The following ARHGAP31 variants were observed in gnomAD, a reference collection of about 807,000 sequenced individuals.
ARHGAP31 encodes the protein rho GTPase-activating protein 31.
In ARHGAP31, 34 loss-of-function variants were observed where a neutral mutation model predicts 113.9. That is an observed-to-expected ratio of 0.30 (90% CI 0.23 to 0.40). ARHGAP31 has a LOEUF of 0.40. Among genes scored for constraint, ARHGAP31 ranks in the 10% least tolerant of loss-of-function variants. The pLI is 1.00. For synonymous variants in ARHGAP31, 650 were observed against 684.8 expected, an observed-to-expected ratio of 0.95 and a Z score of 0.79; for missense variants, 1,548 against 1,767.1, an observed-to-expected ratio of 0.88 and a Z score of 2.22.
intron 1 of ARHGAP31, among the ~76,000 whole-genome samples, chr3:119,340,361 T>C (rs575518119): frequency 1.3e-5 from 2 of 152,350 alleles, no homozygotes; most frequent in Non-Finnish European, 1.5e-5. Flanking sequence ...ACTTGTTCCC[T>C]TCTCGTTTTG....
At chr3:119,322,327 G>C (rs1288378407) in intron 1 of ARHGAP31, among the ~76,000 whole-genome samples, 3 of 152,200 alleles carry the variant, frequency 2.0e-5, no homozygotes, top group Non-Finnish European at 2.9e-5. Context: ...ATTTATCTTA[G>C]ACATAAATGA....
intron 1 of ARHGAP31, among the ~76,000 whole-genome samples, chr3:119,298,022 C>T (rs753713479): frequency 4.6e-5 from 7 of 152,118 alleles, no homozygotes; most frequent in Non-Finnish European, 1.0e-4. Context: ...ACTGGCTACA[C>T]AGGGGGGCCT....
At position 119,415,871 on chromosome 3, in the gene ARHGAP31, A is replaced by C; in HGVS notation, c.3942A>C (p.Thr1314=). 6.2e-7 allele frequency: 1 copy of C among 1,614,246 alleles called. No individual in the cohort carries two copies. Among genetic ancestry groups the C allele is most frequent in the Non-Finnish European group, 8.5e-7 (1 of 1,180,056 alleles). The change falls in exon 12 of 12, where the codon ACA becomes ACC. Residue 1314 remains threonine, a synonymous_variant. Transcript: ENST00000264245. ...VVQCRKRMSE[T]EPSGDNLLSS... ...AATGCAGAAAGCGCATGTCAGAGAC[A>C]GAGCCATCTGGGGACAACCTTCTTT...
At position 119,341,302 on chromosome 3, in the gene ARHGAP31, A is replaced by G. The variant is rs191901693; in HGVS notation, c.101-24014A>G. ...GGAAAAGCTTCAGTGAGGACATGACATTCATGGTTGTCTTAAGCTGGCGTT... is the reference window on the plus strand; with the variant it reads ...GGAAAAGCTTCAGTGAGGACATGACGTTCATGGTTGTCTTAAGCTGGCGTT... On this transcript the variant is annotated intron_variant, in intron 1 of 11. Coordinates refer to ENST00000264245, the MANE Select transcript of ARHGAP31 (RefSeq NM_020754.4). 3.3e-5 allele frequency among the ~76,000 whole-genome samples: 5 copies of G among 152,292 alleles called. No individual in the cohort carries two copies. The East Asian group carries it at 7.7e-4, about 23-fold the overall frequency.
At chr3:119,299,511 G>A (rs1301374547) in intron 1 of ARHGAP31, among the ~76,000 whole-genome samples, 2 of 152,204 alleles carry the variant, frequency 1.3e-5, no homozygotes, top group Admixed American at 6.5e-5. Flanking sequence ...CTTTAAGCTT[G>A]ATGAGAGTAA....
Position 119,356,940 on chromosome 3 carries a change from G to A in ARHGAP31, c.101-8376G>A, listed in dbSNP as rs2107619010. Among the ~76,000 whole-genome samples the A allele has an allele frequency of 2.0e-5, 3 of 152,348 alleles. 1 individual carries two copies. In the South Asian group the frequency reaches 6.2e-4, roughly 32 times the overall value. ...GAAGAATGACTGGGTCAAAAGCTAT[G>A]TGCACTTATAATTTTAACAGATATT... is the stretch of plus-strand genomic sequence containing the variant. On this transcript the variant is annotated intron_variant, in intron 1 of 11. Coordinates refer to ENST00000264245, the MANE Select transcript of ARHGAP31 (RefSeq NM_020754.4).
Position 119,414,840 on chromosome 3 carries a change from T to C in ARHGAP31, c.2911T>C (p.Ser971Pro), listed in dbSNP as rs754745388. The C allele has an allele frequency of 6.2e-7, 1 of 1,614,092 alleles. No individual in the cohort carries two copies. The highest frequency in any genetic ancestry group is 1.3e-5 in the African/African-American group (1 of 74,928). Residue 971 changes from serine (S) to proline (P), a missense_variant, in exon 12 of 12, where the codon TCC (serine) becomes CCC (proline). By Grantham distance (74) the Ser-to-Pro change is moderately conservative. Transcript: ENST00000264245. ...VKSQWTLEVP[S>P]SSSCANLETE... ...AAGCCAGTGGACTCTCGAGGTTCCCTCCTCCAGCAGCTGTGCTAATCTTGA... is the reference window on the plus strand; with the variant it reads ...AAGCCAGTGGACTCTCGAGGTTCCCCCCTCCAGCAGCTGTGCTAATCTTGA...
In ARHGAP31 at chr3:119,416,545, G is replaced by A. The variant is rs146615532; in HGVS notation, c.*281G>A. On this transcript the variant is annotated 3_prime_UTR_variant, in exon 12 of 12. Coordinates refer to ENST00000264245, the MANE Select transcript of ARHGAP31 (RefSeq NM_020754.4). ...ATGCTTGCCTCCAATGAACTTTGGA[G>A]CTTGTATGTGAGTCAGATTGCTCCC... is the stretch of plus-strand genomic sequence containing the variant. The A allele has an allele frequency of 2.2e-6, 1 of 463,066 alleles. No homozygotes were observed. Among genetic ancestry groups the A allele is most frequent in the African/African-American group, 2.0e-5 (1 of 50,736 alleles). 28.7% of individuals were successfully genotyped at this position (463,066 alleles called of 1,614,324 possible).
rs940632875 is a variant in ARHGAP31 at position 119,413,836 on chromosome 3, A to G, written c.1927-20A>G. 6.2e-7 allele frequency: 1 copy of G among 1,614,178 alleles called. No individual in the cohort carries two copies. Among genetic ancestry groups the G allele is most frequent in the African/African-American group, 1.3e-5 (1 of 75,054 alleles). ...CAGAGTACTTAGTTCTAAGACAATC[A>G]GTTTATTGATGTTTTTCAGGATGAA... On this transcript the variant is annotated intron_variant, in intron 11 of 11. Coordinates refer to ENST00000264245, the MANE Select transcript of ARHGAP31 (RefSeq NM_020754.4).
At chr3:119,375,286 G>A (rs2080336758) in intron 3 of ARHGAP31, among the ~76,000 whole-genome samples, 2 of 152,188 alleles carry the variant, frequency 1.3e-5, no homozygotes, top group South Asian at 4.1e-4. Context: ...CTCTCCAGAG[G>A]CTCTAGAGGA....
intron 1 of ARHGAP31, among the ~76,000 whole-genome samples, chr3:119,332,854 C>T (rs2079907537): frequency 6.6e-6 from 1 of 152,166 alleles, no homozygotes; most frequent in Non-Finnish European, 1.5e-5. Flanking sequence ...AAGGTACTTT[C>T]ACAGTGATAA....
intron 1 of ARHGAP31, among the ~76,000 whole-genome samples, chr3:119,300,830 C>CAA (rs1180971088): frequency 5.7e-5 from 5 of 88,450 alleles, no homozygotes; most frequent in Admixed American, 2.4e-4. Context: ...GACTCCATCT[C>CAA]AAAAAAAAAA....
intron 8 of ARHGAP31, among the ~76,000 whole-genome samples, chr3:119,394,266 T>C (rs2080528742): frequency 6.6e-6 from 1 of 152,260 alleles, no homozygotes; most frequent in Non-Finnish European, 1.5e-5. Context: ...GATCCTCTGA[T>C]GGTTCTTGGA....
At chr3:119,305,923 T>C (rs1275693672) in intron 1 of ARHGAP31, among the ~76,000 whole-genome samples, 1 of 152,128 alleles carries the variant, frequency 6.6e-6, no homozygotes, top group Admixed American at 6.5e-5. Flanking sequence ...CGTCCTGTTT[T>C]CCCCCCTCCT....
At chr3:119,301,318 A>T (rs1576983239) in intron 1 of ARHGAP31, among the ~76,000 whole-genome samples, 1 of 152,320 alleles carries the variant, frequency 6.6e-6, no homozygotes, top group East Asian at 1.9e-4. Flanking sequence ...TTGTTGCCTC[A>T]GCCCTACCCT....
intron 10 of ARHGAP31, among the ~76,000 whole-genome samples, chr3:119,408,055 GATAA>G (rs2080681617): frequency 6.6e-6 from 1 of 151,874 alleles, no homozygotes; most frequent in Admixed American, 6.6e-5. Context: ...GCAACCTAGA[GATAA>G]GCAACCTAGA....
rs777037540 is a variant in ARHGAP31 at position 119,409,513 on chromosome 3, G to T, written c.1663G>T (p.Ala555Ser). 1 of 1,614,216 alleles carries T rather than the reference G, an allele frequency of 6.2e-7. No homozygotes were observed. Among genetic ancestry groups the T allele is most frequent in the East Asian group, 2.2e-5 (1 of 44,890 alleles). The change falls in exon 11 of 12, where the codon GCA (alanine) becomes TCA (serine). Residue 555 changes from alanine to serine, a missense_variant. Transcript: ENST00000264245. ...CACTGCAGCTTCTGTACCTAAGAAG[G>T]CAGGTCTTGAGGATGCCAAGGCAGT... is the stretch of plus-strand genomic sequence containing the variant. ...ETSAASVPKK[A>S]GLEDAKAVPE...
At chr3:119,312,796 C>T (rs1434294061) in intron 1 of ARHGAP31, among the ~76,000 whole-genome samples, 1 of 152,150 alleles carries the variant, frequency 6.6e-6, no homozygotes, top group Non-Finnish European at 1.5e-5. Context: ...AGCCACTAGC[C>T]ACATGTGTCT....
At chr3:119,408,803 T>G (rs2080688262) in intron 10 of ARHGAP31, among the ~76,000 whole-genome samples, 1 of 152,202 alleles carries the variant, frequency 6.6e-6, no homozygotes. Flanking sequence ...AGGCCAAACT[T>G]GAGATCTGCC....
Sources: allele counts gnomAD v4.1 joint callset (sites outside exome capture counted in the v4.1 genomes callset), GRCh38; gene constraint gnomAD v4.1.1; transcripts MANE v1.5; gene names NCBI Gene and HGNC (gene_info 2026-07-23, HGNC 2026-07-21).